The following CAPN9 variants were observed in gnomAD, a reference collection of about 807,000 sequenced individuals.
CAPN9 encodes the protein calpain-9.
Under a neutral mutation model 92.8 loss-of-function variants are expected in CAPN9, and 81 were observed. The observed-to-expected ratio is 0.87, with a 90% CI of 0.73 to 1.05. The LOEUF is 1.05. Among genes scored for constraint, CAPN9 ranks in the 50% least tolerant of loss-of-function variants. The pLI is 0.00. For missense variants in CAPN9, 848 were observed against 866.2 expected, an observed-to-expected ratio of 0.98 and a Z score of 0.26; for synonymous variants, 304 against 328.0, an observed-to-expected ratio of 0.93 and a Z score of 0.79.
Position 230,791,909 on chromosome 1 carries a change from ACAT to A in CAPN9, c.1707_1709del (p.Ile570del). The A allele has an allele frequency of 6.2e-7, 1 of 1,613,220 alleles. No homozygotes were observed. ...AAGCTAAGCCTGATCTCCTGTAAAAACATCATTTCCCTGATGGACGTATCCTTC... is the reference window on the plus strand; with the variant it reads ...AAGCTAAGCCTGATCTCCTGTAAAAACATTTCCCTGATGGACGTATCCTTC... On this transcript the variant is annotated inframe_deletion, in exon 15 of 20. Transcript: ENST00000271971.
chr1:230,763,196 T>C (rs995831115), intron 4 of CAPN9, among the ~76,000 whole-genome samples: 3 of 152,216 alleles, frequency 2.0e-5, no homozygotes, highest in Admixed American at 6.5e-5. Context: ...TGCTTCTTTT[T>C]TATTTTTAAA....
chr1:230,798,070 G>T, intron 18 of CAPN9, 92 bp from the exon 19 acceptor site: 1 of 875,190 alleles, frequency 1.1e-6, no homozygotes, highest in Non-Finnish European at 1.9e-6. Context: ...CTTCCCCACA[G>T]GCTCCACTGG....
At chr1:230,800,252 AAGAAAG>A (rs1668610044) in intron 19 of CAPN9, among the ~76,000 whole-genome samples, 1 of 123,210 alleles carries the variant, frequency 8.1e-6, no homozygotes, top group South Asian at 2.8e-4. Flanking sequence ...GAAAGAAAGA[AAGAAAG>A]AAAGAAAGAA....
Position 230,747,615 on chromosome 1 carries a change from G to C in CAPN9, c.119G>C (p.Gly40Ala), listed in dbSNP as rs1162277300. ...EQMRQECLQR[G>A]TLFEDADFPA... Reference sequence around the variant, plus strand: ...ATGAGGCAGGAGTGCCTGCAGAGAGGCACCCTGTTTGAGGATGCAGACTTC... The same window carrying C: ...ATGAGGCAGGAGTGCCTGCAGAGAGCCACCCTGTTTGAGGATGCAGACTTC... The change falls in exon 1 of 20, where the codon GGC (glycine) becomes GCC (alanine). Residue 40 changes from glycine to alanine, a missense_variant. Gly to Ala is a moderately conservative substitution (Grantham distance 60). Transcript: ENST00000271971. The C allele has an allele frequency of 1.2e-6, 2 of 1,614,114 alleles. No homozygotes were observed. The highest frequency in any genetic ancestry group is 1.7e-6 in the Non-Finnish European group (2 of 1,180,016).
chr1:230,754,184 T>G (rs1377289990), intron 1 of CAPN9, among the ~76,000 whole-genome samples: 13 of 151,984 alleles, frequency 8.6e-5, no homozygotes, highest in Non-Finnish European at 1.6e-4. Flanking sequence ...CCAGGGCAGC[T>G]CCACCAGGGC....
At position 230,769,131 on chromosome 1, in the gene CAPN9, G is replaced by C. The variant is rs202246380; in HGVS notation, c.706-49G>C. ...TGTAGCTGGGTCTGATCCAGCAGGG[G>C]AGGCTTGACTTAGACGGTGGGTGTG... is the stretch of plus-strand genomic sequence containing the variant. On this transcript the variant is annotated intron_variant, in intron 5 of 19. Transcript: ENST00000271971. 2.4e-5 allele frequency: 35 copies of C among 1,457,960 alleles called. No homozygotes were observed. In the East Asian group the frequency reaches 7.0e-4, roughly 29 times the overall value. The allele number at this position is 1,457,960 out of a possible 1,614,324, so 90.3% of individuals were successfully genotyped here. A position where few individuals can be genotyped will look rare whatever the true frequency, so the allele number is the denominator to read the frequency against.
intron 11 of CAPN9, among the ~76,000 whole-genome samples, chr1:230,783,538 A>G (rs1667372466): frequency 6.6e-6 from 1 of 152,168 alleles, no homozygotes; most frequent in South Asian, 2.1e-4. Context: ...GCCATGTGAC[A>G]TGACTCTTCC....
intron 6 of CAPN9, among the ~76,000 whole-genome samples, chr1:230,771,527 A>T (rs1272789147): frequency 6.6e-6 from 1 of 152,236 alleles, no homozygotes; most frequent in Non-Finnish European, 1.5e-5. Context: ...AATCCCCAAC[A>T]TGTGCTTATT....
chr1:230,798,917 A>G (rs532678941), intron 19 of CAPN9, among the ~76,000 whole-genome samples: 1 of 152,230 alleles, frequency 6.6e-6, no homozygotes. Context: ...TCCTGTGCAC[A>G]TGAAGCTTGG....
At position 230,801,706 on chromosome 1, in the gene CAPN9, C is replaced by A; in HGVS notation, c.*110C>A. 1 of 949,986 alleles carries A rather than the reference C, an allele frequency of 1.1e-6. No individual in the cohort carries two copies. The highest frequency in any genetic ancestry group is 1.7e-6 in the Non-Finnish European group (1 of 575,312). 58.8% of individuals were successfully genotyped at this position (949,986 alleles called of 1,614,324 possible). A position where few individuals can be genotyped will look rare whatever the true frequency, so the allele number is the denominator to read the frequency against. On this transcript the variant is annotated 3_prime_UTR_variant, in exon 20 of 20. Coordinates refer to ENST00000271971, the MANE Select transcript of CAPN9 (RefSeq NM_006615.3). Reference sequence around the variant, plus strand: ...TTACGCCCAGGGTTCACTCCCCTCTCATCGTCCGGCCTTCTCCCTTCATCT... The same window carrying A: ...TTACGCCCAGGGTTCACTCCCCTCTAATCGTCCGGCCTTCTCCCTTCATCT...
intron 18 of CAPN9, among the ~76,000 whole-genome samples, chr1:230,797,039 C>G (rs1451014880): frequency 6.6e-6 from 1 of 152,190 alleles, no homozygotes; most frequent in African/African-American, 2.4e-5. Context: ...CCATGCACTC[C>G]ACATCAGCAC....
At chr1:230,790,107 C>G in intron 13 of CAPN9, 25 bp from the exon 14 acceptor site, 1 of 1,593,750 alleles carries the variant, frequency 6.3e-7, no homozygotes, top group African/African-American at 1.3e-5. Flanking sequence ...AGGGCTATAA[C>G]AAACAATTGT....
At position 230,794,827 on chromosome 1, in the gene CAPN9, A is replaced by G. The variant is rs368898757; in HGVS notation, c.1871-336A>G. ...CACCACCCAGTGTTAAGTTCCCCCA[A>G]ACAAAGCTTCCTGTAAAGTCAGCGA... On this transcript the variant is annotated intron_variant, in intron 17 of 19. Transcript: ENST00000271971. 3.2e-4 allele frequency among the ~76,000 whole-genome samples: 49 copies of G among 152,306 alleles called. No individual in the cohort carries two copies. In the East Asian group the frequency reaches 7.5e-3, roughly 23 times the overall value.
intron 5 of CAPN9, among the ~76,000 whole-genome samples, chr1:230,768,033 TAAATAAATAAATAAATAAATAAAAAATA>T (rs1449682396): frequency 2.1e-3 from 279 of 134,164 alleles, no homozygotes; most frequent in Non-Finnish European, 3.3e-3. Flanking sequence ...AATAAATAAA[TAAATAAATAAATAAATAAATAAAAAATA>T]AAATAAAATA....
chr1:230,792,585 T>C lies in CAPN9; in HGVS notation c.1791+91T>C, dbSNP rs1668072893. The C allele has an allele frequency of 7.8e-6, 8 of 1,028,816 alleles. No homozygotes were observed. In the Admixed American group the frequency reaches 1.0e-4, roughly 13 times the overall value. 63.7% of individuals were successfully genotyped at this position (1,028,816 alleles called of 1,614,324 possible). On this transcript the variant is annotated intron_variant, in intron 16 of 19. Coordinates refer to ENST00000271971, the MANE Select transcript of CAPN9 (RefSeq NM_006615.3). ...AAATGGTGCAGCAGGCTGCAGGCTA[T>C]AGGCTAGAGGAATTGTATTCGGACA...
intron 11 of CAPN9, among the ~76,000 whole-genome samples, chr1:230,782,722 A>C (rs534148261): frequency 6.6e-6 from 1 of 152,276 alleles, no homozygotes; most frequent in East Asian, 1.9e-4. Context: ...GCAGCTTCAA[A>C]AGGTGGTCTT....
chr1:230,787,748 T>C, intron 13 of CAPN9, 146 bp downstream of exon 13: 1 of 671,272 alleles, frequency 1.5e-6, no homozygotes, highest in East Asian at 2.7e-5. Flanking sequence ...CACTGATCAT[T>C]CAAGGCCCAA....
At chr1:230,801,024 G>A (rs6667160) in intron 19 of CAPN9, among the ~76,000 whole-genome samples, 19,777 of 152,094 alleles carry the variant, frequency 0.13, 1,468 homozygotes, top group South Asian at 0.24. Flanking sequence ...ATATAATCAC[G>A]TTGCCCCAAG....
In CAPN9 at chr1:230,801,760, C is replaced by T. The variant is rs2102953066; in HGVS notation, c.*164C>T. On this transcript the variant is annotated 3_prime_UTR_variant, in exon 20 of 20. Coordinates refer to ENST00000271971, the MANE Select transcript of CAPN9 (RefSeq NM_006615.3). ...TCTGGGAAGAATGAAATGAACTCAG[C>T]TACACTCTCTGATTTTGTGCTACTC... 1.4e-6 allele frequency: 1 copy of T among 699,014 alleles called. No individual in the cohort carries two copies. Among genetic ancestry groups the T allele is most frequent in the African/African-American group, 1.8e-5 (1 of 57,076 alleles). 43.3% of individuals were successfully genotyped at this position (699,014 alleles called of 1,614,324 possible).
Sources: allele counts gnomAD v4.1 joint callset (sites outside exome capture counted in the v4.1 genomes callset), GRCh38; gene constraint gnomAD v4.1.1; transcripts MANE v1.5; gene names NCBI Gene and HGNC (gene_info 2026-07-23, HGNC 2026-07-21).